Variants in SMC2 observed in about 807,000 individuals in gnomAD.
SMC2 encodes the protein structural maintenance of chromosomes protein 2.
In SMC2, 41 loss-of-function variants were observed where a neutral mutation model predicts 142.6. The ratio of observed to expected loss-of-function variants is 0.29; its 90% CI spans 0.22 to 0.37. The LOEUF is 0.37. Among genes scored for constraint, SMC2 ranks in the 10% least tolerant of loss-of-function variants. SMC2 has a pLI of 1.00. For missense variants in SMC2, 1,265 were observed against 1,373.7 expected, an observed-to-expected ratio of 0.92 and a Z score of 1.25; for synonymous variants, 463 against 457.5, an observed-to-expected ratio of 1.01 and a Z score of -0.15.
In SMC2 at chr9:104,116,283, T is replaced by C; in HGVS notation, c.1755T>C (p.Cys585=). 1 of 1,608,896 alleles carries C rather than the reference T, an allele frequency of 6.2e-7. No homozygotes were observed. The highest frequency in any genetic ancestry group is 8.5e-7 in the Non-Finnish European group (1 of 1,178,190). Residue 585 remains cysteine (C), a synonymous_variant, in exon 14 of 25, where the codon TGT becomes TGC. Transcript: ENST00000374793. ...CACTCAATAAAATTTCAGCCAGATGTATTGCACCAGAAACTCTGAGAGTTG... is the reference window on the plus strand; with the variant it reads ...CACTCAATAAAATTTCAGCCAGATGCATTGCACCAGAAACTCTGAGAGTTG... ...IIPLNKISAR[C]IAPETLRVAQ... is the part of the protein sequence containing the mutation.
In SMC2 at chr9:104,101,993, A is replaced by G; in HGVS notation, c.670A>G (p.Met224Val). 1 of 1,607,530 alleles carries G rather than the reference A, an allele frequency of 6.2e-7. No individual in the cohort carries two copies. Among genetic ancestry groups the G allele is most frequent in the Non-Finnish European group, 8.5e-7 (1 of 1,177,676 alleles). ...GTCCTACTTGGAGTACCAAAAAGTA[A>G]TGAGAGAAATAGAACATTTGAGTCG... is the stretch of plus-strand genomic sequence containing the variant. ...RSSYLEYQKV[M>V]REIEHLSRLY... Residue 224 changes from methionine (M) to valine (V), a missense_variant, in exon 8 of 25, where the codon ATG becomes GTG. By Grantham distance (21) the Met-to-Val change is conservative (BLOSUM62 1). Around this residue, in one of 4 missense-constraint regions of SMC2, gnomAD observed 898 missense variants for 904.2 expected, o/e 0.99. Coordinates refer to ENST00000374793, the MANE Select transcript of SMC2 (RefSeq NM_006444.3).
At chr9:104,137,584 A>G (rs2131579524) in intron 23 of SMC2, among the ~76,000 whole-genome samples, 1 of 152,304 alleles carries the variant, frequency 6.6e-6, no homozygotes, top group Admixed American at 6.5e-5. Context: ...GTAAGTGTTT[A>G]CATTATGAAA....
intron 9 of SMC2, among the ~76,000 whole-genome samples, chr9:104,103,162 T>A (rs572874119): frequency 1.7e-4 from 26 of 152,194 alleles, no homozygotes; most frequent in African/African-American, 5.1e-4. Context: ...TTTCAACGTT[T>A]GAATGTTAGG....
chr9:104,136,953 G>A (rs1401819143), intron 23 of SMC2, among the ~76,000 whole-genome samples: 1 of 151,994 alleles, frequency 6.6e-6, no homozygotes, highest in African/African-American at 2.4e-5. Flanking sequence ...TTCAAGATCA[G>A]CCTGGCCAAC....
intron 3 of SMC2, among the ~76,000 whole-genome samples, chr9:104,097,793 T>C (rs912726835): frequency 6.6e-6 from 1 of 152,218 alleles, no homozygotes; most frequent in African/African-American, 2.4e-5. Context: ...ATTTATTAAA[T>C]AGTTGATGTA....
At chr9:104,094,139 C>T (rs1017143366), upstream of SMC2, 3 of 375,418 alleles carry the variant, frequency 8.0e-6, no homozygotes, top group African/African-American at 6.3e-5. Flanking sequence ...TGCCCAGGCC[C>T]CTGCCGGGGA....
At chr9:104,131,623 T>C (rs895762748) in intron 21 of SMC2, among the ~76,000 whole-genome samples, 2 of 150,916 alleles carry the variant, frequency 1.3e-5, no homozygotes, top group Non-Finnish European at 2.9e-5. Flanking sequence ...CTTTCAGGGC[T>C]CCTTTTACTT....
At chr9:104,124,835 A>G in intron 17 of SMC2, 77 bp from the exon 18 acceptor site, 1 of 1,129,144 alleles carries the variant, frequency 8.9e-7, no homozygotes, top group Non-Finnish European at 1.3e-6. Context: ...TTTCCAAACC[A>G]TTTCTTCTAT....
chr9:104,121,272 C>T (rs568050427), intron 16 of SMC2, among the ~76,000 whole-genome samples: 9 of 152,048 alleles, frequency 5.9e-5, no homozygotes, highest in Non-Finnish European at 1.0e-4. Flanking sequence ...GCGGGTGGAT[C>T]GCTTGAGCTC....
Position 104,127,262 on chromosome 9 carries a change from T to G in SMC2, c.2596-24T>G, listed in dbSNP as rs966238750. Reference sequence around the variant, plus strand: ...TATTTACATGTTACCTCACCACATATTTTCTTTAATTTTTTTGTTTTAGGA... The same window carrying G: ...TATTTACATGTTACCTCACCACATAGTTTCTTTAATTTTTTTGTTTTAGGA... On this transcript the variant is annotated intron_variant, in intron 19 of 24. Coordinates refer to ENST00000374793, the MANE Select transcript of SMC2 (RefSeq NM_006444.3). 13 of 1,520,402 alleles carry G rather than the reference T, an allele frequency of 8.6e-6. No homozygotes were observed. In the African/African-American group the frequency reaches 1.7e-4, roughly 20 times the overall value. 94.2% of individuals were successfully genotyped at this position (1,520,402 alleles called of 1,614,324 possible). A position where few individuals can be genotyped will look rare whatever the true frequency, so the allele number is the denominator to read the frequency against.
chr9:104,123,746 C>A (rs1833978931), intron 17 of SMC2, among the ~76,000 whole-genome samples: 1 of 152,036 alleles, frequency 6.6e-6, no homozygotes, highest in South Asian at 2.1e-4. Flanking sequence ...CTTTTACCAT[C>A]TTTTTTGGCT....
intron 12 of SMC2, 87 bp from the exon 13 acceptor site, chr9:104,114,604 G>T: frequency 8.5e-7 from 1 of 1,173,202 alleles, no homozygotes; most frequent in African/African-American, 1.6e-5. Flanking sequence ...ACTTTAATGT[G>T]TTGTCCAAAA....
intron 16 of SMC2, among the ~76,000 whole-genome samples, chr9:104,120,454 G>A (rs1254609864): frequency 6.6e-6 from 1 of 152,180 alleles, no homozygotes; most frequent in South Asian, 2.1e-4. Flanking sequence ...GGCTAGGGTT[G>A]CTGGGGAAAC....
chr9:104,118,209 T>G lies in SMC2; in HGVS notation c.1830T>G (p.Val610=), dbSNP rs760713971. Residue 610 remains valine (V), a synonymous_variant, in exon 15 of 25, where the codon GTT becomes GTG. Coordinates refer to ENST00000374793, the MANE Select transcript of SMC2 (RefSeq NM_006444.3). ...ACGTTCATGTGGCTCTTTCCTTGGT[T>G]GAATATAAACCAGAACTTCAGAAAG... ...PDNVHVALSL[V]EYKPELQKAM... The G allele has an allele frequency of 6.2e-7, 1 of 1,613,838 alleles. No homozygotes were observed. The highest frequency in any genetic ancestry group is 1.1e-5 in the South Asian group (1 of 91,078).
chr9:104,107,746 C>T (rs1043191525), intron 9 of SMC2, among the ~76,000 whole-genome samples: 2 of 152,216 alleles, frequency 1.3e-5, no homozygotes, highest in East Asian at 1.9e-4. Context: ...TGTGACTATC[C>T]ATTAGTCTTC....
chr9:104,101,551 G>A (rs1488343685), intron 7 of SMC2, among the ~76,000 whole-genome samples: 1 of 152,138 alleles, frequency 6.6e-6, no homozygotes, highest in Non-Finnish European at 1.5e-5. Context: ...GGTCCCAGTA[G>A]GTCCTTATGG....
intron 18 of SMC2, 35 bp downstream of exon 18, chr9:104,125,140 T>TA (rs750728690): frequency 1.4e-5 from 20 of 1,461,768 alleles, no homozygotes; most frequent in Non-Finnish European, 1.8e-5. Context: ...ACCAACCTTT[T>TA]AAAGTCAACA....
intron 18 of SMC2, among the ~76,000 whole-genome samples, chr9:104,125,636 A>T (rs59549753): frequency 0.056 from 8,597 of 152,224 alleles, 651 homozygotes; most frequent in African/African-American, 0.18. Flanking sequence ...ATGTCATATC[A>T]GAGATTCAGC....
intron 16 of SMC2, among the ~76,000 whole-genome samples, chr9:104,122,269 A>G (rs1261485036): frequency 6.6e-6 from 1 of 152,156 alleles, no homozygotes; most frequent in African/African-American, 2.4e-5. Context: ...AGGAAAATAG[A>G]TTTTGAAAAA....
Sources: gnomAD v4.1 joint callset for allele counts (sites outside exome capture counted in the v4.1 genomes callset) on GRCh38, gnomAD v4.1.1 for gene constraint, gnomAD v4.1.1 regional missense constraint, MANE v1.5 for transcripts, NCBI Gene and HGNC (gene_info 2026-07-23, HGNC 2026-07-21) for gene names.